The following IL1RAPL2 variants were observed in gnomAD, a reference collection of about 807,000 sequenced individuals.
IL1RAPL2 encodes the protein X-linked interleukin-1 receptor accessory protein-like 2.
In IL1RAPL2, 3 loss-of-function variants were observed where a neutral mutation model predicts 44.1. That is an observed-to-expected ratio of 0.07 (90% confidence interval 0.03 to 0.18). The LOEUF (loss-of-function observed/expected upper bound fraction) is 0.18, where lower values mean the gene tolerates loss of function less well. IL1RAPL2 is among the 10% of genes least tolerant of loss of function. IL1RAPL2 has a pLI of 1.00. For missense variants in IL1RAPL2, 391 were observed against 496.4 expected, an observed-to-expected ratio of 0.79 and a Z score of 2.02; for synonymous variants, 181 against 178.8, an observed-to-expected ratio of 1.01 and a Z score of -0.10.
intron 2 of IL1RAPL2, among the ~76,000 whole-genome samples, chrX:104,728,172 A>G (rs374657393): frequency 3.6e-5 from 4 of 111,923 alleles, no homozygotes; most frequent in African/African-American, 1.3e-4. Flanking sequence ...GAGGAAAATA[A>G]CAATCTAGAA....
At chrX:104,737,924 C>T (rs764252015) in intron 2 of IL1RAPL2, among the ~76,000 whole-genome samples, 1 of 112,000 alleles carries the variant, frequency 8.9e-6, no homozygotes, top group South Asian at 3.7e-4. Context: ...CTTCAAGGCT[C>T]AGCACAAGTC....
At chrX:104,834,768 T>G (rs891050646) in intron 2 of IL1RAPL2, among the ~76,000 whole-genome samples, 4 of 112,091 alleles carry the variant, frequency 3.6e-5, no homozygotes, top group Non-Finnish European at 7.5e-5. Flanking sequence ...ACTATGTCAC[T>G]GTGCCTAGTC....
intron 2 of IL1RAPL2, among the ~76,000 whole-genome samples, chrX:104,793,731 A>G (rs1164351253): frequency 9.0e-6 from 1 of 111,288 alleles, no homozygotes; most frequent in Non-Finnish European, 1.9e-5. Flanking sequence ...CTATATTTGG[A>G]TTTTCGAAAC....
At chrX:105,137,498 C>T in intron 2 of IL1RAPL2, among the ~76,000 whole-genome samples, 2 of 111,523 alleles carry the variant, frequency 1.8e-5, no homozygotes, top group Non-Finnish European at 3.8e-5. Context: ...GTGGGAACAC[C>T]AATGGTATCA....
At chrX:104,943,393 C>T (rs1427226729) in intron 2 of IL1RAPL2, among the ~76,000 whole-genome samples, 1 of 112,032 alleles carries the variant, frequency 8.9e-6, no homozygotes, top group African/African-American at 3.2e-5. Flanking sequence ...GATATCTCAA[C>T]AGTTAATGTT....
chrX:104,708,432 T>A (rs778688526), intron 2 of IL1RAPL2, among the ~76,000 whole-genome samples: 30 of 111,016 alleles, frequency 2.7e-4, no homozygotes, highest in Non-Finnish European at 4.9e-4. Context: ...TTTGATGACA[T>A]TGCTTTCCAG....
At chrX:104,633,772 T>C (rs1212346181) in intron 1 of IL1RAPL2, among the ~76,000 whole-genome samples, 1 of 111,346 alleles carries the variant, frequency 9.0e-6, no homozygotes, top group Non-Finnish European at 1.9e-5. Flanking sequence ...ATCAATTGTG[T>C]TGATAGTTTC....
chrX:105,735,303 C>T (rs769455516), intron 7 of IL1RAPL2, among the ~76,000 whole-genome samples: 2 of 111,115 alleles, frequency 1.8e-5, no homozygotes, highest in East Asian at 5.7e-4. Context: ...CCCTCCCTCA[C>T]TTGCCATGGA....
At chrX:104,632,375 G>C (rs763239541) in intron 1 of IL1RAPL2, among the ~76,000 whole-genome samples, 1 of 111,562 alleles carries the variant, frequency 9.0e-6, no homozygotes, top group Non-Finnish European at 1.9e-5. Flanking sequence ...CCAATTCTGC[G>C]AAGAAAGTCA....
chrX:104,623,597 G>C (rs1929442367), intron 1 of IL1RAPL2, among the ~76,000 whole-genome samples: 1 of 111,109 alleles, frequency 9.0e-6, no homozygotes, highest in African/African-American at 3.3e-5. Context: ...ACACACCACT[G>C]GTTGGAGGTT....
intron 2 of IL1RAPL2, among the ~76,000 whole-genome samples, chrX:104,998,666 A>C (rs952803368): frequency 9.0e-5 from 10 of 111,336 alleles, no homozygotes; most frequent in African/African-American, 3.3e-4. Context: ...CCAGCTGCTC[A>C]GGAGGCAGGA....
intron 2 of IL1RAPL2, among the ~76,000 whole-genome samples, chrX:104,887,132 A>C (rs183055243): frequency 1.1e-4 from 12 of 112,399 alleles, no homozygotes; most frequent in African/African-American, 3.5e-4. Flanking sequence ...GTTCCTTGGA[A>C]TCACCGGCTT....
In IL1RAPL2 at chrX:105,267,370, C is replaced by A. The variant is rs1416537379; in HGVS notation, c.544-18C>A. On this transcript the variant is annotated intron_variant, in intron 4 of 10. Coordinates refer to ENST00000372582, the MANE Select transcript of IL1RAPL2 (RefSeq NM_017416.2). The stretch of plus-strand genomic sequence containing the variant: ...TGAAATTCTATTTTTTGCTTACTTG[C>A]AAATATTTTATCTGCAGGAATGCAA... 1.7e-6 allele frequency: 2 copies of A among 1,183,832 alleles called. No homozygotes were observed. Among genetic ancestry groups the A allele is most frequent in the South Asian group, 1.9e-5 (1 of 52,301 alleles).
chrX:105,482,536 G>A (rs890798636), intron 5 of IL1RAPL2, among the ~76,000 whole-genome samples: 1 of 111,551 alleles, frequency 9.0e-6, no homozygotes, highest in African/African-American at 3.3e-5. Flanking sequence ...TCCACTTCAG[G>A]CAGCTCAGGT....
intron 2 of IL1RAPL2, among the ~76,000 whole-genome samples, chrX:105,001,826 C>G (rs2030855377): frequency 9.0e-6 from 1 of 110,811 alleles, no homozygotes; most frequent in East Asian, 2.9e-4. Flanking sequence ...AAGGGCTTTC[C>G]TATTACACAG....
At chrX:105,077,952 C>T (rs766403764) in intron 2 of IL1RAPL2, among the ~76,000 whole-genome samples, 8 of 111,123 alleles carry the variant, frequency 7.2e-5, no homozygotes, top group South Asian at 3.8e-4. Flanking sequence ...TAATTTTTTT[C>T]GAAGTTTTTA....
intron 2 of IL1RAPL2, among the ~76,000 whole-genome samples, chrX:105,061,395 A>G (rs980456308): frequency 1.3e-4 from 15 of 111,982 alleles, no homozygotes; most frequent in Non-Finnish European, 2.6e-4. Context: ...CCTTATAGTC[A>G]GATAAGATGC....
chrX:105,008,400 C>T (rs931246719), intron 2 of IL1RAPL2, among the ~76,000 whole-genome samples: 1 of 111,050 alleles, frequency 9.0e-6, no homozygotes, highest in South Asian at 3.8e-4. Context: ...TTCAAAGTGA[C>T]GAGTATACTT....
intron 5 of IL1RAPL2, among the ~76,000 whole-genome samples, chrX:105,302,339 C>T (rs779718375): frequency 1.6e-4 from 18 of 111,755 alleles, no homozygotes; most frequent in African/African-American, 5.9e-4. Context: ...TTGATTATTT[C>T]CTTTGCTGTG....
Sources: gnomAD v4.1 joint callset for allele counts (sites outside exome capture counted in the v4.1 genomes callset) on GRCh38, gnomAD v4.1.1 for gene constraint, MANE v1.5 for transcripts, NCBI Gene and HGNC (gene_info 2026-07-23, HGNC 2026-07-21) for gene names.